Variants in C8orf74 observed in about 807,000 individuals in gnomAD.
The protein encoded by C8orf74 is uncharacterized protein C8orf74.
In C8orf74, 29 loss-of-function variants were observed where a neutral mutation model predicts 22.2. That is an observed-to-expected ratio of 1.31 (90% CI 0.97 to 1.78). The LOEUF is 1.78. C8orf74 is among the 40% of genes most tolerant of loss of function. The pLI, the probability that C8orf74 is intolerant of heterozygous loss-of-function variation, is 0.00. For missense variants in C8orf74, 515 were observed against 369.9 expected, an observed-to-expected ratio of 1.39 and a Z score of -3.22; for synonymous variants, 255 against 163.1, an observed-to-expected ratio of 1.56 and a Z score of -4.30.
At chr8:10,695,685 G>A (rs1799481304) in intron 2 of C8orf74, among the ~76,000 whole-genome samples, 1 of 152,120 alleles carries the variant, frequency 6.6e-6, no homozygotes, top group Admixed American at 6.5e-5. Context: ...ACAACCTCGT[G>A]GGCAAGACTG....
intron 2 of C8orf74, among the ~76,000 whole-genome samples, chr8:10,690,483 A>G (rs1799353541): frequency 6.6e-6 from 1 of 152,066 alleles, no homozygotes; most frequent in Non-Finnish European, 1.5e-5. Context: ...TCTGCTTCCC[A>G]CCACACTGGG....
chr8:10,676,530 T>C (rs1212437002), intron 2 of C8orf74, among the ~76,000 whole-genome samples: 1 of 152,230 alleles, frequency 6.6e-6, no homozygotes, highest in Non-Finnish European at 1.5e-5. Context: ...AGGCATCCAG[T>C]GCTCCCAGCC....
chr8:10,698,999 G>C (rs1386576660), intron 3 of C8orf74, among the ~76,000 whole-genome samples: 1 of 151,366 alleles, frequency 6.6e-6, no homozygotes, highest in Admixed American at 6.6e-5. Flanking sequence ...CTCATCCAAG[G>C]ATAAGTCTCC....
At chr8:10,683,687 C>T (rs992849216) in intron 2 of C8orf74, among the ~76,000 whole-genome samples, 10 of 152,178 alleles carry the variant, frequency 6.6e-5, no homozygotes, top group African/African-American at 2.4e-4. Context: ...CACGGAAATC[C>T]CCACAGCTTA....
intron 2 of C8orf74, among the ~76,000 whole-genome samples, chr8:10,687,463 A>C (rs2129057605): frequency 6.6e-6 from 1 of 152,136 alleles, no homozygotes; most frequent in Admixed American, 6.5e-5. Context: ...CAGCCTGACC[A>C]ACATGGCAAA....
At chr8:10,697,513 G>C (rs1179303802) in intron 2 of C8orf74, 86 bp from the exon 3 acceptor site, 7 of 1,158,956 alleles carry the variant, frequency 6.0e-6, no homozygotes, top group Non-Finnish European at 8.8e-6. Flanking sequence ...CTGTGACCAG[G>C]CTGTCGGGGT....
chr8:10,673,967 T>A (rs1798970140), intron 1 of C8orf74, among the ~76,000 whole-genome samples: 1 of 96,224 alleles, frequency 1.0e-5, no homozygotes, highest in African/African-American at 4.2e-5. Context: ...CCATATCATA[T>A]CCCACAACCC....
chr8:10,700,325 A>C lies in C8orf74; in HGVS notation c.739A>C (p.Ile247Leu), dbSNP rs1363656820. 1 of 1,613,842 alleles carries C rather than the reference A, an allele frequency of 6.2e-7. No homozygotes were observed. The highest frequency in any genetic ancestry group is 8.5e-7 in the Non-Finnish European group (1 of 1,179,816). Residue 247 changes from isoleucine (I) to leucine (L), a missense_variant, in exon 4 of 4, where the codon ATC (isoleucine) becomes CTC (leucine). Ile to Leu is a conservative substitution (Grantham distance 5, BLOSUM62 2). Coordinates refer to ENST00000304519, the MANE Select transcript of C8orf74 (RefSeq NM_001040032.2). ...GCGCCAGATCCAGAACACATTCGCC[A>C]TCTTGGACCTGAAGCTTCAGAAGAA... ...LQRQIQNTFA[I>L]LDLKLQKKTL...
At chr8:10,691,429 A>AG (rs1248742719) in intron 2 of C8orf74, 1 of 160,278 alleles carries the variant, frequency 6.2e-6, no homozygotes, top group African/African-American at 2.4e-5. Context: ...AGGCAGACAC[A>AG]GCCACCCACA....
At chr8:10,680,880 C>A (rs996941642) in intron 2 of C8orf74, among the ~76,000 whole-genome samples, 1 of 152,114 alleles carries the variant, frequency 6.6e-6, no homozygotes, top group African/African-American at 2.4e-5. Flanking sequence ...TGGCATTGTC[C>A]CCATTTCAGA....
chr8:10,689,260 C>G (rs1799324718), intron 2 of C8orf74: 1 of 152,220 alleles, frequency 6.6e-6, no homozygotes, highest in African/African-American at 2.4e-5. Flanking sequence ...TTAGGCAAGT[C>G]TCATCCTTTT....
intron 2 of C8orf74, among the ~76,000 whole-genome samples, chr8:10,680,423 T>C (rs922088037): frequency 6.6e-6 from 1 of 152,212 alleles, no homozygotes; most frequent in African/African-American, 2.4e-5. Context: ...CAATGTTCGC[T>C]ACCATATGGC....
rs1303533952 is a variant in C8orf74 at position 10,674,784 on chromosome 8, G to A, written c.187G>A (p.Val63Met). 2 of 1,606,898 alleles carry A rather than the reference G, an allele frequency of 1.2e-6. No individual in the cohort carries two copies. The highest frequency in any genetic ancestry group is 2.7e-5 in the African/African-American group (2 of 74,800). Residue 63 changes from valine (V) to methionine (M), a missense_variant, in exon 2 of 4, where the codon GTG becomes ATG. Val to Met is a conservative substitution (Grantham distance 21). Transcript: ENST00000304519. ...TGCAGTGGGCAAAGGCTTCCCATGG[G>A]TGGAGGTGGCCCAGGTGGTCAAGTT... is the stretch of plus-strand genomic sequence containing the variant. ...IFAVGKGFPW[V>M]EVAQVVKFTE...
rs942523258 is a variant in C8orf74, at chr8:10,697,939, G to T, written c.582G>T (p.Glu194Asp). Residue 194 changes from glutamate (E) to aspartate (D), a missense_variant, in exon 3 of 4, where the codon GAG (glutamate) becomes GAT (aspartate). Physicochemically the swap from Glu to Asp is conservative, Grantham distance 45. Transcript: ENST00000304519. ...AAGAGGCGCTGCGCCTGGAGCGGGA[G>T]AACTCGCTGCAGAAGGCGTTCGCTG... ...LLKEALRLER[E>D]NSLQKAFAAA... 2 of 1,581,408 alleles carry T rather than the reference G, an allele frequency of 1.3e-6. No individual in the cohort carries two copies. The highest frequency in any genetic ancestry group is 1.1e-5 in the South Asian group (1 of 88,416).
chr8:10,680,430 T>A (rs7838749), intron 2 of C8orf74, among the ~76,000 whole-genome samples: 16 of 152,082 alleles, frequency 1.1e-4, no homozygotes, highest in African/African-American at 3.6e-4. Context: ...CGCTACCATA[T>A]GGCTGGAGGG....
intron 2 of C8orf74, among the ~76,000 whole-genome samples, chr8:10,683,007 C>T (rs1378395677): frequency 1.3e-5 from 2 of 152,230 alleles, no homozygotes; most frequent in African/African-American, 4.8e-5. Flanking sequence ...GGGATTTGAA[C>T]CCAGGTCAGC....
chr8:10,697,161 C>T (rs896523519), intron 2 of C8orf74, among the ~76,000 whole-genome samples: 7 of 152,080 alleles, frequency 4.6e-5, no homozygotes, highest in Admixed American at 2.6e-4. Flanking sequence ...CAGTTAGGGC[C>T]GGCATGGTGG....
At chr8:10,697,540 C>A in intron 2 of C8orf74, 59 bp from the exon 3 acceptor site, 2 of 1,516,768 alleles carry the variant, frequency 1.3e-6, no homozygotes, top group East Asian at 4.5e-5. Context: ...CCCACATCCA[C>A]TGCCTGGCAG....
intron 2 of C8orf74, among the ~76,000 whole-genome samples, chr8:10,677,579 CT>C (rs1456046422): frequency 6.6e-6 from 1 of 152,264 alleles, no homozygotes; most frequent in South Asian, 2.1e-4. Flanking sequence ...CACACCACCT[CT>C]TTTTTTATTT....
Sources: allele counts gnomAD v4.1 joint callset (sites outside exome capture counted in the v4.1 genomes callset), GRCh38; gene constraint gnomAD v4.1.1; transcripts MANE v1.5; gene names NCBI Gene and HGNC (gene_info 2026-07-23, HGNC 2026-07-21).